MASP1: variants seen among roughly 807,000 people sequenced by gnomAD.
MASP1 encodes MBL associated serine protease 1.
Under a neutral mutation model 77.1 loss-of-function variants are expected in MASP1, and 59 were observed. The observed-to-expected ratio is 0.77, with a 90% CI of 0.62 to 0.95. The LOEUF is 0.95. MASP1 is among the 40% of genes least tolerant of loss of function. The pLI, the probability that MASP1 is intolerant of heterozygous loss-of-function variation, is 0.00. For missense variants in MASP1, 885 were observed against 912.9 expected (o/e 0.97, Z 0.39); for synonymous variants, 362 against 354.5 (o/e 1.02, Z -0.24).
At chr3:187,281,357 T>A (rs1359299246) in intron 2 of MASP1, among the ~76,000 whole-genome samples, 1 of 152,154 alleles carries the variant, frequency 6.6e-6, no homozygotes. Context: ...AAGGGCAGCT[T>A]GCGGGGTTGG....
intron 2 of MASP1, among the ~76,000 whole-genome samples, chr3:187,268,252 T>C (rs567743118): frequency 1.3e-5 from 2 of 152,140 alleles, no homozygotes; most frequent in Non-Finnish European, 2.9e-5. Context: ...GAGGCCAAGG[T>C]GAGAGGATCA....
chr3:187,290,100 C>T (rs1718189438), intron 1 of MASP1, among the ~76,000 whole-genome samples: 1 of 152,146 alleles, frequency 6.6e-6, no homozygotes, highest in South Asian at 2.1e-4. Context: ...AAGATGAAGA[C>T]ATAGATCATG....
chr3:187,231,538 T>G (rs1712765986), downstream of MASP1, among the ~76,000 whole-genome samples: 1 of 152,224 alleles, frequency 6.6e-6, no homozygotes, highest in South Asian at 2.1e-4. Flanking sequence ...GGTCTACAAA[T>G]AGATGGAAAT....
At chr3:187,284,080 G>T (rs1014349937) in intron 2 of MASP1, among the ~76,000 whole-genome samples, 3 of 152,054 alleles carry the variant, frequency 2.0e-5, no homozygotes, top group Non-Finnish European at 2.9e-5. Flanking sequence ...TGTAGAAATC[G>T]CATCTAGATT....
In MASP1 at chr3:187,262,643, C is replaced by A. The variant is rs776909379; in HGVS notation, c.315G>T (p.Glu105Asp). 9 of 1,614,020 alleles carry A rather than the reference C, an allele frequency of 5.6e-6. No individual in the cohort carries two copies. The highest frequency in any genetic ancestry group is 1.7e-5 in the Admixed American group (1 of 60,004). The change falls in exon 3 of 11, where the codon GAG (glutamate) becomes GAT (aspartate). Residue 105 changes from glutamate (E) to aspartate (D), a missense_variant. Transcript: ENST00000296280. ...TGAAGGAGCCAGGGGAGAGGACCACCTCCTGGCCGGGAGTCTGCTCTGTGT... is the reference window on the plus strand; with the variant it reads ...TGAAGGAGCCAGGGGAGAGGACCACATCCTGGCCGGGAGTCTGCTCTGTGT... ...TTDTEQTPGQ[E>D]VVLSPGSFMS...
At chr3:187,247,064 A>G in intron 8 of MASP1, 1 of 1,376,418 alleles carries the variant, frequency 7.3e-7, no homozygotes. Context: ...AGTACAGTCC[A>G]CTCAGAGGTG....
chr3:187,236,056 G>A lies in MASP1; in HGVS notation c.1815C>T (p.Ile605=), dbSNP rs770456020. 30 of 1,614,024 alleles carry A rather than the reference G, an allele frequency of 1.9e-5. No individual in the cohort carries two copies. The South Asian group carries it at 2.3e-4, about 12-fold the overall frequency. ...ISNPNVTVDE[I]ISSGTRTLSD... ...ACAAGGTCCGTGTGCCACTGCTGATGATCTCATCCACTGTCACATTGGGAT... is the reference window on the plus strand; with the variant it reads ...ACAAGGTCCGTGTGCCACTGCTGATAATCTCATCCACTGTCACATTGGGAT... The change falls in exon 11 of 11, where the codon ATC becomes ATT. Residue 605 remains isoleucine, a synonymous_variant. Coordinates refer to ENST00000296280, the MANE Select transcript of MASP1 (RefSeq NM_139125.4).
intron 13 of MASP1, among the ~76,000 whole-genome samples, chr3:187,224,396 G>A (rs533164840): frequency 6.8e-6 from 1 of 146,694 alleles, no homozygotes; most frequent in Admixed American, 6.8e-5. Flanking sequence ...GCCCAGGCTG[G>A]AGTGCAGTGG....
exon 16 of MASP1, chr3:187,218,936 A>G (rs1210368049): frequency 6.6e-6 from 1 of 152,084 alleles, no homozygotes. Flanking sequence ...AGGAAGGAAG[A>G]GTATAGGGGC....
At chr3:187,265,306 T>C (rs982961702) in intron 2 of MASP1, among the ~76,000 whole-genome samples, 2 of 152,312 alleles carry the variant, frequency 1.3e-5, no homozygotes, top group African/African-American at 4.8e-5. Flanking sequence ...GACTGGGACA[T>C]GAACATTTTC....
downstream of MASP1, among the ~76,000 whole-genome samples, chr3:187,231,692 G>A (rs947621363): frequency 6.6e-6 from 1 of 152,262 alleles, no homozygotes; most frequent in Non-Finnish European, 1.5e-5. Context: ...TGAAGCTGGA[G>A]CATCCACGGT....
At chr3:187,229,753 T>TC, downstream of MASP1, 1 of 1,614,022 alleles carries the variant, frequency 6.2e-7, no homozygotes, top group Non-Finnish European at 8.5e-7. Flanking sequence ...TTCCACCTTC[T>TC]CCCTACCTAG....
At position 187,283,956 on chromosome 3, in the gene MASP1, C is replaced by T. The variant is rs75725116; in HGVS notation, c.237+1869G>A. Among the ~76,000 whole-genome samples, 86 of 152,300 alleles carry T rather than the reference C, an allele frequency of 5.6e-4. 1 individual carries two copies. Among genetic ancestry groups the T allele is most frequent in the African/African-American group, 1.9e-3 (77 of 41,566 alleles). ...AACCCTTTTATCCTGAAAAGCGTAA[C>T]TGGCCTTTTTGTCAGAAAGTTCAGT... On this transcript the variant is annotated intron_variant, in intron 2 of 10. Transcript: ENST00000296280.
downstream of MASP1, among the ~76,000 whole-genome samples, chr3:187,230,518 A>G (rs1712706184): frequency 6.6e-6 from 1 of 152,200 alleles, no homozygotes; most frequent in African/African-American, 2.4e-5. Flanking sequence ...GTCACTTACA[A>G]ATGAAAGAGT....
intron 13 of MASP1, among the ~76,000 whole-genome samples, chr3:187,223,729 T>G (rs1239524027): frequency 6.6e-6 from 1 of 152,188 alleles, no homozygotes; most frequent in African/African-American, 2.4e-5. Context: ...ATGAAGTTGG[T>G]AAATCTGTGG....
exon 16 of MASP1, chr3:187,217,929 C>G (rs1409870683): frequency 1.3e-5 from 2 of 152,172 alleles, no homozygotes; most frequent in Non-Finnish European, 2.9e-5. Flanking sequence ...GAGAAAAGCT[C>G]TTTTTGGTGT....
chr3:187,291,511 C>T lies in MASP1; in HGVS notation c.5+117G>A, dbSNP rs1304597299. The T allele has an allele frequency of 2.9e-6, 4 of 1,384,360 alleles. No individual in the cohort carries two copies. The South Asian group carries it at 3.5e-5, about 12-fold the overall frequency. The allele number at this position is 1,384,360 out of a possible 1,614,324, so 85.8% of individuals were successfully genotyped here. On this transcript the variant is annotated intron_variant, in intron 1 of 10. Transcript: ENST00000296280. The stretch of plus-strand genomic sequence containing the variant: ...GCCCTAAGAATTGATGAGAAAGCCC[C>T]TCACTACCACATGCAGGACACGCAG...
intron 5 of MASP1, among the ~76,000 whole-genome samples, chr3:187,255,356 G>T (rs2108549085): frequency 6.6e-6 from 1 of 151,834 alleles, no homozygotes; most frequent in African/African-American, 2.4e-5. Flanking sequence ...TCTTACATCT[G>T]CAAGGAACTG....
rs72549283 is a variant in MASP1 at position 187,275,236 on chromosome 3, C to T, written c.237+10589G>A. Reference sequence around the variant, plus strand: ...CTGCGTGGCTCCAGGTGTGTCATAGCCAGGACGTGGGTGAAGGCAGTGATG... The same window carrying T: ...CTGCGTGGCTCCAGGTGTGTCATAGTCAGGACGTGGGTGAAGGCAGTGATG... On this transcript the variant is annotated intron_variant, in intron 2 of 10. Transcript: ENST00000296280. Among the ~76,000 whole-genome samples the T allele has an allele frequency of 1.7e-3, 263 of 152,230 alleles. 6 individuals carry two copies. The East Asian group carries it at 0.049, about 28-fold the overall frequency.
Sources: allele counts gnomAD v4.1 joint callset (sites outside exome capture counted in the v4.1 genomes callset), GRCh38; gene constraint gnomAD v4.1.1; transcripts MANE v1.5; gene names NCBI Gene and HGNC (gene_info 2026-07-23, HGNC 2026-07-21).